The following ZMYM4 variants were observed in gnomAD, a reference collection of about 807,000 sequenced individuals.
ZMYM4 encodes zinc finger MYM-type protein 4.
ZMYM4 carries 31 observed loss-of-function variants against 183.2 expected under a neutral mutation model. The ratio of observed to expected loss-of-function variants is 0.17; its 90% CI spans 0.13 to 0.23. The LOEUF is 0.23. ZMYM4 is among the 10% of genes least tolerant of loss of function. ZMYM4 has a pLI of 1.00. For missense variants in ZMYM4, 1,273 were observed against 1,840.3 expected, an observed-to-expected ratio of 0.69 and a Z score of 5.64; for synonymous variants, 592 against 631.2, an observed-to-expected ratio of 0.94 and a Z score of 0.93.
At chr1:35,366,175 T>TA (rs1644073312) in intron 5 of ZMYM4, 1 of 152,242 alleles carries the variant, frequency 6.6e-6, no homozygotes, top group African/African-American at 2.4e-5. Context: ...TTTTAATACA[T>TA]ATATTTCATC....
At chr1:35,355,249 G>A (rs973869376) in intron 2 of ZMYM4, among the ~76,000 whole-genome samples, 1 of 122,736 alleles carries the variant, frequency 8.1e-6, no homozygotes, top group East Asian at 2.2e-4. Flanking sequence ...GGGTTTCACT[G>A]TGTTAGCCAG....
intron 2 of ZMYM4, among the ~76,000 whole-genome samples, chr1:35,347,488 C>T (rs1643440127): frequency 6.6e-6 from 1 of 151,808 alleles, no homozygotes; most frequent in African/African-American, 2.4e-5. Context: ...TTATAAAGCC[C>T]TTAATAAAGG....
At chr1:35,306,226 CTTT>C (rs1267424606) in intron 1 of ZMYM4, among the ~76,000 whole-genome samples, 1 of 152,110 alleles carries the variant, frequency 6.6e-6, no homozygotes, top group Non-Finnish European at 1.5e-5. Flanking sequence ...CAGCATGCAT[CTTT>C]TAAGTTATTA....
At chr1:35,401,796 A>G (rs1644914062) in intron 23 of ZMYM4, among the ~76,000 whole-genome samples, 1 of 152,110 alleles carries the variant, frequency 6.6e-6, no homozygotes, top group Admixed American at 6.5e-5. Flanking sequence ...GAGTTGAGAC[A>G]AGGGTCAAGG....
chr1:35,327,858 T>G (rs1642570396), intron 2 of ZMYM4, among the ~76,000 whole-genome samples: 1 of 152,192 alleles, frequency 6.6e-6, no homozygotes, highest in Admixed American at 6.5e-5. Flanking sequence ...GGAGAAAGAT[T>G]ATGATTGGGC....
chr1:35,351,378 A>C lies in ZMYM4; in HGVS notation c.86-7547A>C. On this transcript the variant is annotated intron_variant, in intron 2 of 29. Transcript: ENST00000314607. ...GAAAGAAGATGAAGATGCTTACAAG[A>C]AACAGTTCTCTCAATACATAAAGAA... is the stretch of plus-strand genomic sequence containing the variant. The C allele has an allele frequency of 1.9e-6, 3 of 1,576,398 alleles. No homozygotes were observed. The South Asian group carries it at 3.3e-5, about 17-fold the overall frequency.
chr1:35,317,100 G>A (rs966436782), intron 1 of ZMYM4, among the ~76,000 whole-genome samples: 2 of 142,868 alleles, frequency 1.4e-5, no homozygotes, highest in Non-Finnish European at 3.0e-5. Flanking sequence ...CCAGCCTGGG[G>A]GACAAGAGCG....
At chr1:35,350,498 G>C (rs964226503) in intron 2 of ZMYM4, among the ~76,000 whole-genome samples, 5 of 152,134 alleles carry the variant, frequency 3.3e-5, no homozygotes, top group African/African-American at 7.2e-5. Context: ...TGTTGGCTAG[G>C]CTGGTCTCGA....
chr1:35,368,836 G>A (rs566952735), intron 5 of ZMYM4, among the ~76,000 whole-genome samples: 7 of 152,132 alleles, frequency 4.6e-5, no homozygotes, highest in South Asian at 2.1e-4. Context: ...CATTGGAGCC[G>A]GAGGCAGAAG....
intron 1 of ZMYM4, among the ~76,000 whole-genome samples, chr1:35,302,604 C>G (rs973096462): frequency 1.3e-5 from 2 of 151,852 alleles, no homozygotes; most frequent in Non-Finnish European, 2.9e-5. Flanking sequence ...CCAGGATGGT[C>G]TCGATCTCCT....
At chr1:35,322,386 G>A (rs1180169118) in intron 1 of ZMYM4, among the ~76,000 whole-genome samples, 1 of 151,462 alleles carries the variant, frequency 6.6e-6, no homozygotes, top group African/African-American at 2.4e-5. Flanking sequence ...CTCTTTTTCT[G>A]GTTAAAAGAC....
Position 35,398,845 on chromosome 1 carries a change from T to C in ZMYM4, c.3254-19T>C, listed in dbSNP as rs1644853168. Reference sequence around the variant, plus strand: ...GGCTATTTTATTTTGAGGGCTTAATTGTTATCTATATATTTCAGACCAAGG... The same window carrying C: ...GGCTATTTTATTTTGAGGGCTTAATCGTTATCTATATATTTCAGACCAAGG... On this transcript the variant is annotated intron_variant, in intron 21 of 29. Transcript: ENST00000314607. The C allele has an allele frequency of 1.9e-6, 3 of 1,609,078 alleles. No individual in the cohort carries two copies. The highest frequency in any genetic ancestry group is 1.7e-5 in the Admixed American group (1 of 59,520).
chr1:35,366,284 C>A (rs889609225), intron 5 of ZMYM4, among the ~76,000 whole-genome samples: 3 of 152,050 alleles, frequency 2.0e-5, no homozygotes, highest in Admixed American at 6.6e-5. Context: ...TTTTCTTGAT[C>A]ATAGTAAGGA....
intron 2 of ZMYM4, among the ~76,000 whole-genome samples, chr1:35,343,099 T>TATCC (rs1176425780): frequency 6.6e-6 from 1 of 152,292 alleles, no homozygotes; most frequent in South Asian, 2.1e-4. Flanking sequence ...TCTCTCTCCG[T>TATCC]ATCCATCCAT....
intron 2 of ZMYM4, among the ~76,000 whole-genome samples, chr1:35,341,901 G>A (rs750461113): frequency 6.6e-6 from 1 of 152,040 alleles, no homozygotes; most frequent in Non-Finnish European, 1.5e-5. Flanking sequence ...AGGAATGGCT[G>A]AATAATATTC....
chr1:35,299,646 A>G (rs1641182776), intron 1 of ZMYM4, among the ~76,000 whole-genome samples: 1 of 152,160 alleles, frequency 6.6e-6, no homozygotes, highest in Admixed American at 6.5e-5. Context: ...GCAAACAAAG[A>G]CTTAGCCAGG....
intron 17 of ZMYM4, among the ~76,000 whole-genome samples, chr1:35,393,310 A>G (rs1262358323): frequency 6.6e-6 from 1 of 152,164 alleles, no homozygotes; most frequent in African/African-American, 2.4e-5. Flanking sequence ...AAACTTAGCC[A>G]GCATTGTTAT....
chr1:35,275,821 A>AG (rs1214096188), intron 1 of ZMYM4, among the ~76,000 whole-genome samples: 1 of 152,222 alleles, frequency 6.6e-6, no homozygotes, highest in African/African-American at 2.4e-5. Flanking sequence ...CTTAGCCATT[A>AG]GCAGGAGCAT....
At chr1:35,366,585 G>T (rs1211389101) in intron 5 of ZMYM4, among the ~76,000 whole-genome samples, 2 of 152,080 alleles carry the variant, frequency 1.3e-5, no homozygotes, top group Admixed American at 1.3e-4. Context: ...AAACTTCCCA[G>T]TTAGATGATA....
Sources: allele counts gnomAD v4.1 joint callset (sites outside exome capture counted in the v4.1 genomes callset), GRCh38; gene constraint gnomAD v4.1.1; transcripts MANE v1.5; gene names NCBI Gene and HGNC (gene_info 2026-07-23, HGNC 2026-07-21).